The following LTBP2 variants were observed in gnomAD, a reference collection of about 807,000 sequenced individuals.
The protein encoded by LTBP2 is latent transforming growth factor beta binding protein 2.
Under a neutral mutation model 210.6 loss-of-function variants are expected in LTBP2, and 103 were observed. The observed-to-expected ratio is 0.49, with a 90% CI of 0.42 to 0.58. LTBP2 has a LOEUF of 0.58. Among genes scored for constraint, LTBP2 ranks in the 20% least tolerant of loss-of-function variants. The pLI, the probability that LTBP2 is intolerant of heterozygous loss-of-function variation, is 0.00. For missense variants in LTBP2, 2,313 were observed against 2,494.5 expected (o/e 0.93, Z 1.55); for synonymous variants, 1,007 against 1,015.0 (o/e 0.99, Z 0.15).
At chr14:74,501,704 G>C in intron 34 of LTBP2, 114 bp from the exon 35 acceptor site, 5 of 1,329,026 alleles carry the variant, frequency 3.8e-6, no homozygotes, top group South Asian at 3.6e-5. Flanking sequence ...CTGTGGGGGT[G>C]GGGGCAGAGA....
intron 3 of LTBP2, among the ~76,000 whole-genome samples, chr14:74,578,741 C>T (rs1026113258): frequency 9.9e-5 from 15 of 152,224 alleles, no homozygotes; most frequent in African/African-American, 3.1e-4. Context: ...CCTCCCTGAC[C>T]CCAACCCCTT....
chr14:74,601,126 G>A (rs1465545430), intron 2 of LTBP2, among the ~76,000 whole-genome samples: 4 of 152,170 alleles, frequency 2.6e-5, no homozygotes, highest in African/African-American at 7.2e-5. Context: ...CCACCTGGCC[G>A]CCCACATCCC....
intron 1 of LTBP2, among the ~76,000 whole-genome samples, chr14:74,608,715 G>GAAAAAAAAAAAAA (rs5809673): frequency 8.6e-6 from 1 of 116,150 alleles, no homozygotes. Context: ...TCAAAAAAAA[G>GAAAAAAAAAAAAA]AAAAAAAAAA....
chr14:74,591,921 C>A (rs2088288684), intron 2 of LTBP2, among the ~76,000 whole-genome samples: 1 of 152,068 alleles, frequency 6.6e-6, no homozygotes, highest in Admixed American at 6.6e-5. Context: ...TTAAAATGTT[C>A]TTTTTAATTA....
Position 74,540,878 on chromosome 14 carries a change from A to T in LTBP2, c.1790-4878T>A, listed in dbSNP as rs1325910722. Among the ~76,000 whole-genome samples, 375 of 97,962 alleles carry T rather than the reference A, an allele frequency of 3.8e-3. 31 individuals are homozygous for T. The highest frequency in any genetic ancestry group is 0.026 in the South Asian group (92 of 3,556). The allele number at this position is 97,962 out of a possible 152,430, so 64.3% of individuals were successfully genotyped here. A position where few individuals can be genotyped will look rare whatever the true frequency, so the allele number is the denominator to read the frequency against. ...TATATTATATATATTTATATATATA[A>T]TATATATATTATATATTAAAAATAT... On this transcript the variant is annotated intron_variant, in intron 8 of 35. Transcript: ENST00000261978.
At position 74,500,796 on chromosome 14, in the gene LTBP2, G is replaced by A. The variant is rs993325310; in HGVS notation, c.*88C>T. On this transcript the variant is annotated 3_prime_UTR_variant, in exon 36 of 36. Coordinates refer to ENST00000261978, the MANE Select transcript of LTBP2 (RefSeq NM_000428.3). ...TGGAAACCTCTGGCCTGATGTCACG[G>A]TGTCTTCCCAGCTAGGAAATCATCC... The A allele has an allele frequency of 6.4e-7, 1 of 1,556,442 alleles. No individual in the cohort carries two copies. The highest frequency in any genetic ancestry group is 1.4e-5 in the African/African-American group (1 of 73,818).
At chr14:74,522,659 C>T (rs1199390367) in intron 16 of LTBP2, 131 bp downstream of exon 16, 9 of 1,110,410 alleles carry the variant, frequency 8.1e-6, no homozygotes, top group Middle Eastern at 5.9e-4. Context: ...GGACTGTGCT[C>T]CTCCTAAACT....
At chr14:74,507,479 G>A (rs1391109640) in intron 25 of LTBP2, among the ~76,000 whole-genome samples, 169 bp from the exon 26 acceptor site, 1 of 152,198 alleles carries the variant, frequency 6.6e-6, no homozygotes, top group African/African-American at 2.4e-5. Flanking sequence ...ACCCTGCAGG[G>A]CTGAGCCTCT....
At position 74,517,297 on chromosome 14, in the gene LTBP2, C is replaced by A. The variant is rs1416929277; in HGVS notation, c.2789-356G>T. Among the ~76,000 whole-genome samples the A allele has an allele frequency of 2.0e-5, 3 of 152,194 alleles. No homozygotes were observed. The South Asian group carries it at 6.2e-4, about 32-fold the overall frequency. On this transcript the variant is annotated intron_variant, in intron 17 of 35. Transcript: ENST00000261978. ...AGAGGCCAAAAGGACTCCCACCCCGCTCCTGGCCCCACTATATCCCCTTCG... is the reference window on the plus strand; with the variant it reads ...AGAGGCCAAAAGGACTCCCACCCCGATCCTGGCCCCACTATATCCCCTTCG...
intron 22 of LTBP2, 116 bp from the exon 23 acceptor site, chr14:74,509,068 G>C (rs1358061978): frequency 6.4e-7 from 1 of 1,569,260 alleles, no homozygotes; most frequent in Non-Finnish European, 8.7e-7. Flanking sequence ...ACCCACGGGG[G>C]ATCATCCCCT....
intron 26 of LTBP2, 124 bp from the exon 27 acceptor site, chr14:74,506,947 A>T (rs1262677087): frequency 9.0e-6 from 14 of 1,550,794 alleles, no homozygotes; most frequent in African/African-American, 1.4e-5. Flanking sequence ...GAGAATACTT[A>T]TTTGGCTTAT....
chr14:74,597,199 A>G (rs2088378489), intron 2 of LTBP2, among the ~76,000 whole-genome samples: 1 of 152,210 alleles, frequency 6.6e-6, no homozygotes, highest in Non-Finnish European at 1.5e-5. Context: ...CATTTGGCAC[A>G]TCCAGGCAGA....
At chr14:74,540,138 T>C (rs2087474147) in intron 8 of LTBP2, among the ~76,000 whole-genome samples, 1 of 152,122 alleles carries the variant, frequency 6.6e-6, no homozygotes, top group African/African-American at 2.4e-5. Flanking sequence ...AAGGGGCTAG[T>C]TCCTAGCTTC....
intron 3 of LTBP2, among the ~76,000 whole-genome samples, chr14:74,579,048 G>C (rs748449523): frequency 6.6e-6 from 1 of 152,162 alleles, no homozygotes; most frequent in Non-Finnish European, 1.5e-5. Context: ...GTAGAGACGG[G>C]GTTTCGCCAT....
intron 2 of LTBP2, among the ~76,000 whole-genome samples, chr14:74,593,963 G>A (rs888137989): frequency 6.6e-6 from 1 of 152,128 alleles, no homozygotes; most frequent in African/African-American, 2.4e-5. Flanking sequence ...GGTACCTGGC[G>A]CACAGTAAGA....
chr14:74,506,886 C>CGCATGCGCGT, intron 26 of LTBP2, 63 bp from the exon 27 acceptor site: 1 of 1,575,644 alleles, frequency 6.3e-7, no homozygotes, highest in South Asian at 1.1e-5. Flanking sequence ...TGTGCGCGCG[C>CGCATGCGCGT]GCGTGTGTGC....
intron 1 of LTBP2, among the ~76,000 whole-genome samples, chr14:74,610,712 G>A (rs2088593653): frequency 6.6e-6 from 1 of 152,230 alleles, no homozygotes; most frequent in South Asian, 2.1e-4. Context: ...AGGGGGTGGT[G>A]CCCAGGGGGA....
At chr14:74,601,213 G>A (rs1162225098) in intron 2 of LTBP2, among the ~76,000 whole-genome samples, 2 of 152,132 alleles carry the variant, frequency 1.3e-5, no homozygotes, top group Non-Finnish European at 2.9e-5. Context: ...GTGTGGCCTT[G>A]AGCAAGTCAC....
chr14:74,504,752 T>C (rs2086959742), intron 30 of LTBP2, 26 bp downstream of exon 30: 5 of 1,611,364 alleles, frequency 3.1e-6, no homozygotes, highest in South Asian at 2.2e-5. Flanking sequence ...GTGAAGGAGT[T>C]TGGGGCAGAG....
Sources: gnomAD v4.1 joint callset for allele counts (sites outside exome capture counted in the v4.1 genomes callset) on GRCh38, gnomAD v4.1.1 for gene constraint, MANE v1.5 for transcripts, NCBI Gene and HGNC (gene_info 2026-07-23, HGNC 2026-07-21) for gene names.